NHSL2: variants seen among roughly 807,000 people sequenced by gnomAD.
The protein encoded by NHSL2 is NHS like 2.
NHSL2 carries 27 observed loss-of-function variants against 53.4 expected under a neutral mutation model. The observed-to-expected ratio is 0.51, with a 90% CI of 0.37 to 0.70. The LOEUF (loss-of-function observed/expected upper bound fraction) is 0.70. Among genes scored for constraint, NHSL2 ranks in the 30% least tolerant of loss-of-function variants. The pLI is 0.00. For synonymous variants in NHSL2, 408 were observed against 404.1 expected (o/e 1.01, Z -0.12); for missense variants, 892 against 980.1 (o/e 0.91, Z 1.20).
intron 1 of NHSL2, among the ~76,000 whole-genome samples, chrX:71,930,936 A>T (rs2041709748): frequency 8.9e-6 from 1 of 112,424 alleles, no homozygotes; most frequent in Non-Finnish European, 1.9e-5. Context: ...TTGCTGGGTC[A>T]TATAGTAACT....
intron 1 of NHSL2, among the ~76,000 whole-genome samples, chrX:72,092,080 C>T (rs1480607513): frequency 8.9e-6 from 1 of 112,146 alleles, no homozygotes; most frequent in East Asian, 2.8e-4. Flanking sequence ...AAGCACAGCT[C>T]TTCATAGTAT....
chrX:72,103,554 A>G (rs995661060), intron 1 of NHSL2, among the ~76,000 whole-genome samples: 9 of 111,585 alleles, frequency 8.1e-5, no homozygotes, highest in African/African-American at 2.9e-4. Flanking sequence ...CCCAGGTCCA[A>G]GGTTCAGGAG....
intron 1 of NHSL2, among the ~76,000 whole-genome samples, chrX:72,039,601 G>T (rs1339018448): frequency 3.6e-5 from 4 of 111,812 alleles, no homozygotes; most frequent in African/African-American, 1.3e-4. Flanking sequence ...ATTTTGGTTG[G>T]ATGGGAGCTC....
chrX:71,934,154 T>C (rs2041726795), intron 1 of NHSL2, among the ~76,000 whole-genome samples: 1 of 112,015 alleles, frequency 8.9e-6, no homozygotes, highest in Admixed American at 9.4e-5. Context: ...TCTATCCTCG[T>C]TTTGGTACAG....
chrX:71,980,394 A>G (rs997026753), intron 1 of NHSL2, among the ~76,000 whole-genome samples: 1 of 111,526 alleles, frequency 9.0e-6, no homozygotes, highest in Non-Finnish European at 1.9e-5. Context: ...CTAACCATGA[A>G]CATGGAATGT....
At chrX:72,078,166 TG>T (rs2041759673) in intron 1 of NHSL2, among the ~76,000 whole-genome samples, 1 of 112,820 alleles carries the variant, frequency 8.9e-6, no homozygotes, top group Non-Finnish European at 1.9e-5. Context: ...GGCTGGGATT[TG>T]AGCCCAGGCA....
At chrX:72,058,921 A>G (rs2042384386) in intron 1 of NHSL2, among the ~76,000 whole-genome samples, 2 of 112,114 alleles carry the variant, frequency 1.8e-5, no homozygotes, top group Admixed American at 1.9e-4. Context: ...GAGTTGTGAC[A>G]CAGAGTTTCA....
At chrX:72,030,496 A>ATG (rs58930948) in intron 1 of NHSL2, among the ~76,000 whole-genome samples, 3,446 of 109,851 alleles carry the variant, frequency 0.031, 111 homozygotes, top group African/African-American at 0.094. Context: ...GTATATGTAT[A>ATG]TGTGTGTGTG....
Position 72,146,730 on chromosome X carries a change from GTAGT to G in NHSL2, c.*3159_*3162del, listed in dbSNP as rs1284967173. 9.0e-6 allele frequency: 1 copy of G among 110,944 alleles called. No individual in the cohort carries two copies. The highest frequency in any genetic ancestry group is 1.9e-5 in the Non-Finnish European group (1 of 52,979). The allele number at this position is 110,944 out of a possible 1,213,427, so 9.1% of individuals were successfully genotyped here. ...GGGTAGTCAGTACATGTTTTTGAGG[GTAGT>G]TATTCTTGGTACAATAGCAAGCTTT... On this transcript the variant is annotated 3_prime_UTR_variant, in exon 8 of 8. Coordinates refer to ENST00000633930, the MANE Select transcript of NHSL2 (RefSeq NM_001013627.3).
intron 1 of NHSL2, among the ~76,000 whole-genome samples, chrX:72,059,283 C>T (rs2042386809): frequency 9.0e-6 from 1 of 111,042 alleles, no homozygotes; most frequent in African/African-American, 3.3e-5. Flanking sequence ...CTTCCAGAGC[C>T]TCCTAACTGG....
intron 1 of NHSL2, among the ~76,000 whole-genome samples, chrX:71,942,800 G>GC (rs1022118452): frequency 1.8e-5 from 2 of 110,439 alleles, no homozygotes; most frequent in Admixed American, 1.9e-4. Flanking sequence ...TGCCTCTTTT[G>GC]CCCCCCACCC....
intron 1 of NHSL2, among the ~76,000 whole-genome samples, chrX:72,123,169 G>A (rs1447569219): frequency 8.9e-6 from 1 of 112,230 alleles, no homozygotes; most frequent in Non-Finnish European, 1.9e-5. Context: ...TAAGGGAAAG[G>A]GAATGGAGTG....
intron 1 of NHSL2, among the ~76,000 whole-genome samples, chrX:71,912,702 C>T (rs746353738): frequency 8.9e-6 from 1 of 112,249 alleles, no homozygotes; most frequent in South Asian, 3.7e-4. Flanking sequence ...GACGTTGGAC[C>T]AGGAGCCTCT....
rs144677156 is a variant in NHSL2 at position 71,961,349 on chromosome X, G to C, written c.280+49982G>C. Among the ~76,000 whole-genome samples the C allele has an allele frequency of 5.5e-3, 610 of 110,548 alleles. 4 individuals are homozygous for C. The highest frequency in any genetic ancestry group is 0.019 in the African/African-American group (575 of 30,438). ...TTTACTATTTCTTCCTTAACTATGT[G>C]AATGAATTTTTCCTTCCTTCTGTTC... On this transcript the variant is annotated intron_variant, in intron 1 of 7. Transcript: ENST00000633930.
At chrX:72,036,001 A>C (rs1395160360) in intron 1 of NHSL2, among the ~76,000 whole-genome samples, 1 of 111,805 alleles carries the variant, frequency 8.9e-6, no homozygotes, top group East Asian at 2.8e-4. Flanking sequence ...TGAACTGTGC[A>C]TGCAAGGGAT....
intron 1 of NHSL2, among the ~76,000 whole-genome samples, chrX:72,060,142 C>T (rs138745746): frequency 1.7e-3 from 189 of 112,243 alleles, no homozygotes; most frequent in African/African-American, 5.9e-3. Flanking sequence ...GTCCATCTAG[C>T]TGTGTGACCT....
intron 1 of NHSL2, among the ~76,000 whole-genome samples, chrX:72,039,512 G>A (rs2042262007): frequency 9.0e-6 from 1 of 111,516 alleles, no homozygotes; most frequent in African/African-American, 3.3e-5. Context: ...GTGTAGTGGC[G>A]TACACTTCCA....
intron 1 of NHSL2, chrX:72,131,714 C>T: frequency 2.6e-6 from 1 of 388,548 alleles, no homozygotes; most frequent in Non-Finnish European, 4.1e-6. Context: ...GGGCGGCGCT[C>T]TGGGCGGAGG....
At chrX:72,009,309 A>T (rs749773671) in intron 1 of NHSL2, among the ~76,000 whole-genome samples, 10 of 111,729 alleles carry the variant, frequency 9.0e-5, no homozygotes, top group Non-Finnish European at 1.9e-4. Flanking sequence ...TAAATACCCC[A>T]ATCTCACTTT....
Sources: allele counts gnomAD v4.1 joint callset (sites outside exome capture counted in the v4.1 genomes callset), GRCh38; gene constraint gnomAD v4.1.1; transcripts MANE v1.5; gene names NCBI Gene and HGNC (gene_info 2026-07-23, HGNC 2026-07-21).